ANO7: variants seen among roughly 807,000 people sequenced by gnomAD.
ANO7 encodes anoctamin 7.
In ANO7, 114 loss-of-function variants were observed where a neutral mutation model predicts 115.8. That is an observed-to-expected ratio of 0.98 (90% CI 0.85 to 1.15). The LOEUF is 1.15. ANO7 is among the 50% of genes most tolerant of loss of function. The probability of loss-of-function intolerance (pLI) is 0.00; values close to 1 mark genes in which losing one functional copy is unlikely to be tolerated. For missense variants in ANO7, 1,302 were observed against 1,201.2 expected, an observed-to-expected ratio of 1.08 and a Z score of -1.24; for synonymous variants, 550 against 498.2, an observed-to-expected ratio of 1.10 and a Z score of -1.38.
rs765636410 is a variant in ANO7 at position 241,210,377 on chromosome 2, C to A, written c.1442C>A (p.Thr481Asn). 1.9e-6 allele frequency: 3 copies of A among 1,614,080 alleles called. No homozygotes were observed. Among genetic ancestry groups the A allele is most frequent in the Admixed American group, 1.7e-5 (1 of 60,034 alleles). The change falls in exon 14 of 25, where the codon ACC becomes AAC. Residue 481 changes from threonine to asparagine, a missense_variant. Physicochemically the swap from Thr to Asn is moderately conservative, Grantham distance 65. Transcript: ENST00000674324. ...MAIVVSRSGN[T>N]LLAAWASRIA... ...ATCGTGGTGTCCAGGTCGGGCAACA[C>A]CCTTCTCGCAGCCTGGGTGAGCCTC...
chr2:241,210,556 T>C lies in ANO7; in HGVS notation c.1547T>C (p.Val516Ala). The change falls in exon 15 of 25, where the codon GTC becomes GCC. Residue 516 changes from valine (V) to alanine (A), a missense_variant. Transcript: ENST00000674324. ...LSKIYVSLAH[V>A]LTRWEMHRTQ... ...AAGATCTATGTATCCCTGGCCCACGTCCTGACACGATGGGGTGAGTGGGCT... is the reference window on the plus strand; with the variant it reads ...AAGATCTATGTATCCCTGGCCCACGCCCTGACACGATGGGGTGAGTGGGCT... 5 of 1,613,714 alleles carry C rather than the reference T, an allele frequency of 3.1e-6. No homozygotes were observed. The highest frequency in any genetic ancestry group is 4.2e-6 in the Non-Finnish European group (5 of 1,179,952).
At chr2:241,201,449 T>G in intron 7 of ANO7, 94 bp downstream of exon 7, 1 of 1,407,444 alleles carries the variant, frequency 7.1e-7, no homozygotes, top group South Asian at 1.3e-5. Context: ...AAAGGCCTGC[T>G]TGAGACCAGA....
At chr2:241,218,511 G>C in intron 21 of ANO7, 130 bp downstream of exon 21, 3 of 646,524 alleles carry the variant, frequency 4.6e-6, no homozygotes, top group Non-Finnish European at 6.4e-6. Context: ...CCGGGGGAGG[G>C]GGGGAGCTGG....
intron 9 of ANO7, among the ~76,000 whole-genome samples, chr2:241,204,497 G>A (rs755386026): frequency 3.9e-5 from 6 of 152,156 alleles, no homozygotes; most frequent in Non-Finnish European, 5.9e-5. Context: ...ACACGGGTGG[G>A]CCCACAGCTC....
At chr2:241,233,099 A>T in the ANO7 span, among the ~76,000 whole-genome samples, 1 of 152,180 alleles carries the variant, frequency 6.6e-6, no homozygotes, top group Non-Finnish European at 1.5e-5. This position sits in a 1 kb window ranked among gnomAD's most constrained non-coding sequence, Gnocchi z 4.3. Flanking sequence ...GGAAACCAGC[A>T]CAACTGTGGC....
At chr2:241,211,429 G>T (rs1182454445) in intron 15 of ANO7, among the ~76,000 whole-genome samples, 1 of 152,228 alleles carries the variant, frequency 6.6e-6, no homozygotes, top group East Asian at 1.9e-4. Flanking sequence ...AGCCCTGGGG[G>T]TGAATAGTCT....
chr2:241,235,109 C>T, the ANO7 span: 2 of 1,611,304 alleles, frequency 1.2e-6, no homozygotes, highest in Admixed American at 1.7e-5. Context: ...GCCCCGGCCA[C>T]CTCCTGCTCA....
intron 21 of ANO7, among the ~76,000 whole-genome samples, chr2:241,221,250 A>G (rs1418992604): frequency 5.4e-5 from 8 of 149,076 alleles, no homozygotes; most frequent in African/African-American, 1.2e-4. Context: ...TAATTTTTGT[A>G]TATTTAGTAG....
At chr2:241,204,789 C>A in intron 9 of ANO7, 76 bp from the exon 10 acceptor site, 1 of 1,124,512 alleles carries the variant, frequency 8.9e-7, no homozygotes, top group Non-Finnish European at 1.3e-6. Context: ...AGGGGACAAG[C>A]ATGGCTGTGC....
In ANO7 at chr2:241,195,652, C is replaced by G. The variant is rs769137920; in HGVS notation, c.167-51C>G. Reference sequence around the variant, plus strand: ...GGATGCTGGCATCCCTTCCCTGGGCCGGCCACTGCCACTTAGCCAGGCTCC... The same window carrying G: ...GGATGCTGGCATCCCTTCCCTGGGCGGGCCACTGCCACTTAGCCAGGCTCC... On this transcript the variant is annotated intron_variant, in intron 3 of 24. Transcript: ENST00000674324. 50 of 1,574,484 alleles carry G rather than the reference C, an allele frequency of 3.2e-5. No individual in the cohort carries two copies. In the East Asian group the frequency reaches 4.5e-4, roughly 14 times the overall value.
Position 241,216,212 on chromosome 2 carries a change from G to A in ANO7, c.1946G>A (p.Gly649Asp), listed in dbSNP as rs1328826104. 3 of 1,609,456 alleles carry A rather than the reference G, an allele frequency of 1.9e-6. No individual in the cohort carries two copies. The highest frequency in any genetic ancestry group is 1.1e-5 in the South Asian group (1 of 90,578). The change falls in exon 19 of 25, where the codon GGT becomes GAT. Residue 649 changes from glycine (G) to aspartate (D), a missense_variant. Gly to Asp is a moderately conservative substitution (Grantham distance 94, BLOSUM62 -1). Transcript: ENST00000674324. Reference sequence around the variant, plus strand: ...GACTATGAGCTTGTGCCCTGTGAGGGTCTGTTTGACGAGTACCTGGAAATG... The same window carrying A: ...GACTATGAGCTTGTGCCCTGTGAGGATCTGTTTGACGAGTACCTGGAAATG... ...EDDYELVPCE[G>D]LFDEYLEMVL...
At chr2:241,209,841 A>AG (rs2068680488) in intron 13 of ANO7, among the ~76,000 whole-genome samples, 1 of 151,968 alleles carries the variant, frequency 6.6e-6, no homozygotes, top group Non-Finnish European at 1.5e-5. Context: ...AGGGCCTGGG[A>AG]GGGTCTCCCC....
intron 11 of ANO7, 127 bp downstream of exon 11, chr2:241,207,797 C>A: frequency 4.8e-6 from 4 of 828,370 alleles, no homozygotes; most frequent in Non-Finnish European, 7.9e-6. Context: ...AAAGGCAGAA[C>A]GCTCCATGAG....
intron 22 of ANO7, 49 bp downstream of exon 22, chr2:241,223,325 C>A: frequency 1.3e-6 from 2 of 1,599,504 alleles, no homozygotes; most frequent in East Asian, 4.5e-5. Context: ...GAGGCCCCGA[C>A]CCTGTGCTTT....
rs2068507058 is a variant in ANO7 at position 241,203,016 on chromosome 2, T to C, written c.724-317T>C. On this transcript the variant is annotated intron_variant, in intron 8 of 24. Coordinates refer to ENST00000674324, the MANE Select transcript of ANO7 (RefSeq NM_001370694.2). The surrounding 1 kb of genome is among the most constrained non-coding windows in gnomAD (Gnocchi z 4.8). ...GCACAGGACACGAGCCTGGGGACTC[T>C]CCAACCCAGAGAAGGTGCTGGACCC... 6.6e-6 allele frequency among the ~76,000 whole-genome samples: 1 copy of C among 152,148 alleles called. No individual in the cohort carries two copies. The highest frequency in any genetic ancestry group is 2.4e-5 in the African/African-American group (1 of 41,430).
At chr2:241,196,779 G>A (rs1342892671) in intron 4 of ANO7, among the ~76,000 whole-genome samples, 1 of 152,066 alleles carries the variant, frequency 6.6e-6, no homozygotes, top group Admixed American at 6.5e-5. Context: ...CGTGAGAATG[G>A]GCATTTGACT....
chr2:241,203,278 G>C lies in ANO7; in HGVS notation c.724-55G>C. The C allele has an allele frequency of 7.1e-7, 1 of 1,404,904 alleles. No individual in the cohort carries two copies. The highest frequency in any genetic ancestry group is 1.5e-5 in the African/African-American group (1 of 67,642). 87.0% of individuals were successfully genotyped at this position (1,404,904 alleles called of 1,614,324 possible). ...CACTGAAGCCCCTGCACCTACAACA[G>C]TGCCCAGTGGGGTCAGCTGGGGGAG... On this transcript the variant is annotated intron_variant, in intron 8 of 24. Coordinates refer to ENST00000674324, the MANE Select transcript of ANO7 (RefSeq NM_001370694.2). The surrounding 1 kb of genome is among the most constrained non-coding windows in gnomAD (Gnocchi z 4.8).
chr2:241,195,261 C>G (rs13022445), intron 3 of ANO7, among the ~76,000 whole-genome samples: 68,491 of 152,058 alleles, frequency 0.45, 16,203 homozygotes, highest in East Asian at 0.84. Flanking sequence ...TTATCTGGAG[C>G]GCCTGAGCCC....
rs768829230 is a variant in ANO7, at chr2:241,188,726, G to A, written c.-48G>A. 1.2e-6 allele frequency: 2 copies of A among 1,613,628 alleles called. No homozygotes were observed. The highest frequency in any genetic ancestry group is 1.1e-5 in the South Asian group (1 of 91,068). ...AGACCAGGCTCACGCTGAGAGGTGG[G>A]CCATGACCTCCGAGACCTCTTCCGG... On this transcript the variant is annotated 5_prime_UTR_variant, in exon 1 of 25. Coordinates refer to ENST00000674324, the MANE Select transcript of ANO7 (RefSeq NM_001370694.2). This position sits in a 1 kb window ranked among gnomAD's most constrained non-coding sequence, Gnocchi z 4.3.
Sources: gnomAD v4.1 joint callset for allele counts (sites outside exome capture counted in the v4.1 genomes callset) on GRCh38, gnomAD v4.1.1 for gene constraint, Gnocchi (gnomAD v3.1) non-coding constraint, MANE v1.5 for transcripts, NCBI Gene and HGNC (gene_info 2026-07-23, HGNC 2026-07-21) for gene names.